The following ME1 variants were observed in gnomAD, a reference collection of about 807,000 sequenced individuals.
ME1 encodes the protein NADP-dependent malic enzyme.
In ME1, 74 loss-of-function variants were observed where a neutral mutation model predicts 66.4. The observed-to-expected ratio is 1.11, with a 90% confidence interval of 0.92 to 1.35. The LOEUF (loss-of-function observed/expected upper bound fraction) is 1.35. Ranked by LOEUF, ME1 falls within the 40% of genes most tolerant of loss-of-function variation. The pLI, the probability that ME1 is intolerant of heterozygous loss-of-function variation, is 0.00. For missense variants in ME1, 750 were observed against 694.1 expected (o/e 1.08, Z -0.90); for synonymous variants, 251 against 235.6 (o/e 1.07, Z -0.60).
chr6:83,381,791 C>T (rs1340501453), intron 3 of ME1, among the ~76,000 whole-genome samples: 1 of 151,942 alleles, frequency 6.6e-6, no homozygotes, highest in East Asian at 1.9e-4. Flanking sequence ...TCCATTCTAG[C>T]TCTCATTTCT....
intron 3 of ME1, among the ~76,000 whole-genome samples, chr6:83,365,835 C>T (rs1377453163): frequency 2.0e-5 from 3 of 152,134 alleles, no homozygotes; most frequent in Admixed American, 2.0e-4. Flanking sequence ...CCAGTTATTT[C>T]CTTCATTACA....
At chr6:83,222,854 C>A (rs1477334697) in intron 12 of ME1, among the ~76,000 whole-genome samples, 1 of 152,192 alleles carries the variant, frequency 6.6e-6, no homozygotes, top group Non-Finnish European at 1.5e-5. Flanking sequence ...AGTTTCATGA[C>A]AGTACAAGAT....
At chr6:83,401,008 C>T (rs1769827467) in intron 2 of ME1, among the ~76,000 whole-genome samples, 1 of 152,134 alleles carries the variant, frequency 6.6e-6, no homozygotes, top group South Asian at 2.1e-4. Context: ...GGAGATTACC[C>T]TTATCACCCA....
rs1447177203 is a variant in ME1, at chr6:83,395,163, C to A, written c.362+3204G>T. 2.6e-5 allele frequency among the ~76,000 whole-genome samples: 4 copies of A among 152,016 alleles called. No homozygotes were observed. In the South Asian group the frequency reaches 6.2e-4, roughly 24 times the overall value. ...GGAGTGCAGTAGCAATCTCAGCTCA[C>A]TGAAGCTTCTGCCTCCTGGATTCCA... On this transcript the variant is annotated intron_variant, in intron 3 of 13. Transcript: ENST00000369705.
chr6:83,325,209 A>T (rs1366200856), intron 5 of ME1, among the ~76,000 whole-genome samples: 2 of 152,180 alleles, frequency 1.3e-5, no homozygotes, highest in Admixed American at 6.6e-5. Flanking sequence ...TTGATGAAAC[A>T]TATCTCAAAA....
intron 11 of ME1, among the ~76,000 whole-genome samples, chr6:83,225,836 A>C (rs1014437832): frequency 2.2e-4 from 31 of 141,688 alleles, no homozygotes; most frequent in Admixed American, 7.8e-4. Context: ...ATATATATAT[A>C]TCTCCCCCAC....
intron 1 of ME1, among the ~76,000 whole-genome samples, chr6:83,408,526 T>A (rs900525545): frequency 6.6e-6 from 1 of 152,236 alleles, no homozygotes; most frequent in Non-Finnish European, 1.5e-5. Context: ...TCCTCCTGTC[T>A]AAAGCCTCAG....
intron 3 of ME1, among the ~76,000 whole-genome samples, chr6:83,379,421 C>T (rs1457466304): frequency 2.0e-5 from 3 of 152,036 alleles, no homozygotes; most frequent in African/African-American, 7.2e-5. Context: ...TTCCACCTGT[C>T]TTCAGAAATA....
intron 6 of ME1, among the ~76,000 whole-genome samples, chr6:83,303,132 A>T (rs1767758384): frequency 6.6e-6 from 1 of 152,200 alleles, no homozygotes; most frequent in Admixed American, 6.5e-5. Context: ...GAAGAGACCC[A>T]AGAATAATAA....
chr6:83,419,224 A>C (rs1770219029), intron 1 of ME1, among the ~76,000 whole-genome samples: 1 of 152,180 alleles, frequency 6.6e-6, no homozygotes, highest in African/African-American at 2.4e-5. Context: ...TTTATCACTC[A>C]CCGTATTAAG....
chr6:83,427,245 A>G (rs1770390296), intron 1 of ME1, among the ~76,000 whole-genome samples: 2 of 152,246 alleles, frequency 1.3e-5, no homozygotes, highest in South Asian at 4.1e-4. Flanking sequence ...TGAATGATGC[A>G]TATTTTAATA....
At chr6:83,369,679 G>GGAAC (rs1373771199) in intron 3 of ME1, among the ~76,000 whole-genome samples, 2 of 96,018 alleles carry the variant, frequency 2.1e-5, no homozygotes, top group Non-Finnish European at 5.3e-5. Context: ...AACGAAGGAA[G>GGAAC]GAAGGAAGGA....
At chr6:83,298,973 C>T (rs1767660424) in intron 6 of ME1, among the ~76,000 whole-genome samples, 1 of 36,030 alleles carries the variant, frequency 2.8e-5, no homozygotes, top group Non-Finnish European at 5.4e-5. Flanking sequence ...TTTTTTTTTA[C>T]CAGTACTATG....
At chr6:83,409,350 C>A (rs1020234131) in intron 1 of ME1, among the ~76,000 whole-genome samples, 2 of 152,204 alleles carry the variant, frequency 1.3e-5, no homozygotes, top group Non-Finnish European at 2.9e-5. Context: ...ATTCTACAAT[C>A]ATTCCTCTGT....
At position 83,257,016 on chromosome 6, in the gene ME1, G is replaced by A. The variant is rs559204362; in HGVS notation, c.705-3278C>T. ...TGAGAACACATGGACACAGGGAGGG[G>A]AACATCATCACACCGGGGCCTGTTT... On this transcript the variant is annotated intron_variant, in intron 6 of 13. Transcript: ENST00000369705. Among the ~76,000 whole-genome samples the A allele has an allele frequency of 7.3e-5, 11 of 151,682 alleles. No homozygotes were observed. In the East Asian group the frequency reaches 1.8e-3, roughly 24 times the overall value.
intron 1 of ME1, among the ~76,000 whole-genome samples, chr6:83,425,391 A>G (rs1466832425): frequency 6.6e-6 from 1 of 152,210 alleles, no homozygotes; most frequent in Admixed American, 6.5e-5. Context: ...TGGGAAATTT[A>G]TAAAGAAAGA....
At chr6:83,228,227 T>G (rs1445161962) in intron 10 of ME1, among the ~76,000 whole-genome samples, 2 of 152,216 alleles carry the variant, frequency 1.3e-5, no homozygotes, top group Non-Finnish European at 1.5e-5. Context: ...ATGCATTGTG[T>G]AAGTACTGTA....
At chr6:83,278,551 C>T (rs1466726662) in intron 6 of ME1, among the ~76,000 whole-genome samples, 1 of 152,170 alleles carries the variant, frequency 6.6e-6, no homozygotes, top group Non-Finnish European at 1.5e-5. Flanking sequence ...AAGTGATCCT[C>T]CTGTCTCAGC....
chr6:83,298,931 GTTTTTTTTTTTTTTTTTTTTTTTTTTT>G (rs61055748), intron 6 of ME1, among the ~76,000 whole-genome samples: 1 of 22,458 alleles, frequency 4.5e-5, no homozygotes, highest in African/African-American at 1.9e-4. Context: ...CTATGTGTCT[GTTTTTTTTTTTTTTTTTTTTTTTTTTT>G]TTTTTTTTTT....
Sources: allele counts gnomAD v4.1 joint callset (sites outside exome capture counted in the v4.1 genomes callset), GRCh38; gene constraint gnomAD v4.1.1; transcripts MANE v1.5; gene names NCBI Gene and HGNC (gene_info 2026-07-23, HGNC 2026-07-21).